PKD2L2: variants seen among roughly 807,000 people sequenced by gnomAD.
The protein encoded by PKD2L2 is polycystin 2 like 2, transient receptor potential cation channel.
A neutral mutation model predicts 83.9 loss-of-function variants in PKD2L2; 67 were observed. The observed-to-expected ratio is 0.80, with a 90% CI of 0.66 to 0.98. The LOEUF (loss-of-function observed/expected upper bound fraction) is 0.98, where lower values mean the gene tolerates loss of function less well. Among genes scored for constraint, PKD2L2 ranks in the 50% least tolerant of loss-of-function variants. The pLI, the probability that PKD2L2 is intolerant of heterozygous loss-of-function variation, is 0.00. For missense variants in PKD2L2, 632 were observed against 717.2 expected (o/e 0.88, Z 1.36); for synonymous variants, 223 against 237.8 (o/e 0.94, Z 0.57).
At chr5:137,898,812 G>T (rs1756712287) in intron 4 of PKD2L2, among the ~76,000 whole-genome samples, 1 of 151,894 alleles carries the variant, frequency 6.6e-6, no homozygotes, top group South Asian at 2.1e-4. Context: ...GCTCAGTGCG[G>T]CCTTGAACTC....
In PKD2L2 at chr5:137,890,510, A is replaced by T. The variant is rs1376934096; in HGVS notation, c.61A>T (p.Lys21Ter). The change falls in exon 2 of 15, where the codon AAG (lysine) becomes TAG (stop). Residue 21 changes from lysine to a stop codon, truncating the protein, a stop_gained. Coordinates refer to ENST00000508883, the MANE Select transcript of PKD2L2 (RefSeq NM_001300921.2). LOFTEE classifies it high-confidence loss of function. The stretch of plus-strand genomic sequence containing the variant: ...TTCGAAACATAAGTTGCATTACAGA[A>T]AGGAAGTAGAAATTACAACCACACT... ...GASKHKLHYR[K>*]EVEITTTLQE... The T allele has an allele frequency of 6.3e-7, 1 of 1,589,476 alleles. No homozygotes were observed. Among genetic ancestry groups the T allele is most frequent in the Non-Finnish European group, 8.6e-7 (1 of 1,168,340 alleles).
At chr5:137,893,330 C>G (rs571321572) in intron 3 of PKD2L2, among the ~76,000 whole-genome samples, 1 of 152,020 alleles carries the variant, frequency 6.6e-6, no homozygotes, top group Non-Finnish European at 1.5e-5. Context: ...TTTTTACTTA[C>G]GTAAGGGAAT....
chr5:137,941,465 A>G (rs977911982), intron 14 of PKD2L2, among the ~76,000 whole-genome samples: 1 of 152,158 alleles, frequency 6.6e-6, no homozygotes, highest in Non-Finnish European at 1.5e-5. Flanking sequence ...TAGTTAGATA[A>G]AGGCATGTGC....
chr5:137,912,703 AT>A (rs1757938493), intron 8 of PKD2L2, among the ~76,000 whole-genome samples: 3 of 147,198 alleles, frequency 2.0e-5, no homozygotes, highest in Admixed American at 1.4e-4. Context: ...GATGTTGACC[AT>A]TTTTTCATAT....
intron 12 of PKD2L2, among the ~76,000 whole-genome samples, chr5:137,928,348 GA>G (rs1336964868): frequency 2.2e-4 from 28 of 130,122 alleles, no homozygotes; most frequent in Non-Finnish European, 3.3e-4. Context: ...GACCAGCCTG[GA>G]CAACATGGTG....
chr5:137,907,768 C>G lies in PKD2L2; in HGVS notation c.1002C>G (p.Asn334Lys), dbSNP rs770951275. 1 of 1,546,898 alleles carries G rather than the reference C, an allele frequency of 6.5e-7. No homozygotes were observed. The highest frequency in any genetic ancestry group is 1.4e-5 in the African/African-American group (1 of 72,882). ...TGTGTTTTGTGGCTGTTTCCTTCAA[C>G]ACATACTATAATGTACAAATTTTTC... ...LLLCFVAVSF[N>K]TYYNVQIFLL... Residue 334 changes from asparagine (N) to lysine (K), a missense_variant, in exon 7 of 15, where the codon AAC becomes AAG. By Grantham distance (94) the Asn-to-Lys change is moderately conservative. Coordinates refer to ENST00000508883, the MANE Select transcript of PKD2L2 (RefSeq NM_001300921.2).
chr5:137,938,148 A>G (rs897478565), intron 14 of PKD2L2: 1 of 152,468 alleles, frequency 6.6e-6, no homozygotes, highest in Non-Finnish European at 1.5e-5. Context: ...TATGACACAC[A>G]ATACTGTCAC....
At chr5:137,916,791 T>TC (rs1162588470) in intron 8 of PKD2L2, among the ~76,000 whole-genome samples, 15 of 152,250 alleles carry the variant, frequency 9.9e-5, no homozygotes, top group African/African-American at 3.6e-4. Flanking sequence ...CCTTTTTTTT[T>TC]CTTTTAGCAC....
chr5:137,890,873 A>G (rs1460385605), intron 2 of PKD2L2, among the ~76,000 whole-genome samples: 1 of 152,224 alleles, frequency 6.6e-6, no homozygotes, highest in East Asian at 1.9e-4. Flanking sequence ...TGTCTTGAGC[A>G]TAATTCATCC....
chr5:137,938,068 A>T (rs1382980859), intron 14 of PKD2L2: 1 of 152,200 alleles, frequency 6.6e-6, no homozygotes, highest in Non-Finnish European at 1.5e-5. Flanking sequence ...TTGTATATAG[A>T]TATACAGTTT....
At chr5:137,942,129 A>G in intron 14 of PKD2L2, 2 of 1,176,624 alleles carry the variant, frequency 1.7e-6, no homozygotes, top group Non-Finnish European at 2.4e-6. Context: ...CTGCAAATTA[A>G]AAGTGGCTGG....
intron 9 of PKD2L2, among the ~76,000 whole-genome samples, chr5:137,923,035 G>A (rs1235538924): frequency 6.8e-6 from 1 of 146,452 alleles, no homozygotes; most frequent in East Asian, 2.0e-4. Context: ...TTTTTTAGAC[G>A]GAGTCTTGCT....
chr5:137,890,343 A>C, intron 1 of PKD2L2, 138 bp from the exon 2 acceptor site: 1 of 591,290 alleles, frequency 1.7e-6, no homozygotes, highest in East Asian at 3.2e-5. Context: ...CGTAAAACTA[A>C]GAATTGAAAA....
Position 137,908,814 on chromosome 5 carries a change from C to T in PKD2L2, c.1196C>T (p.Thr399Ile). 1.9e-6 allele frequency: 3 copies of T among 1,597,682 alleles called. No individual in the cohort carries two copies. Among genetic ancestry groups the T allele is most frequent in the Non-Finnish European group, 2.6e-6 (3 of 1,167,624 alleles). Residue 399 changes from threonine to isoleucine, a missense_variant, in exon 8 of 15, where the codon ACC (threonine) becomes ATC (isoleucine). Coordinates refer to ENST00000508883, the MANE Select transcript of PKD2L2 (RefSeq NM_001300921.2). ...AAGACAATGTCTCAGCTGTCATCAA[C>T]CTTGTCCCGTTGTGTTAAAGACATA... ...FNKTMSQLSSTLSRCVKDIVG... is the reference protein window; with the variant it reads ...FNKTMSQLSSILSRCVKDIVG...
intron 8 of PKD2L2, among the ~76,000 whole-genome samples, chr5:137,918,634 G>A (rs1758594876): frequency 6.6e-6 from 1 of 152,168 alleles, no homozygotes; most frequent in Admixed American, 6.5e-5. Flanking sequence ...AATGAGTAGG[G>A]GATGCATAGC....
chr5:137,941,143 C>T (rs1159562315), intron 14 of PKD2L2, among the ~76,000 whole-genome samples: 3 of 152,022 alleles, frequency 2.0e-5, no homozygotes, highest in African/African-American at 7.2e-5. Flanking sequence ...CTCCTGACCT[C>T]GTGATCCACC....
chr5:137,935,087 T>A (rs990518725), intron 12 of PKD2L2, among the ~76,000 whole-genome samples: 1 of 152,240 alleles, frequency 6.6e-6, no homozygotes, highest in African/African-American at 2.4e-5. Context: ...GGAAGTATCA[T>A]ACAAATTTAC....
intron 6 of PKD2L2, 145 bp downstream of exon 6, chr5:137,906,579 A>T (rs945613372): frequency 1.8e-6 from 1 of 543,762 alleles, no homozygotes; most frequent in Middle Eastern, 4.8e-4. Context: ...TGGGAATAGT[A>T]CTACTAATGG....
chr5:137,941,933 G>A (rs746587608), intron 14 of PKD2L2: 1 of 1,604,872 alleles, frequency 6.2e-7, no homozygotes, highest in Admixed American at 1.7e-5. Context: ...ATTTTGTGAT[G>A]CTCAACAAAC....
Sources: allele counts gnomAD v4.1 joint callset (sites outside exome capture counted in the v4.1 genomes callset), GRCh38; gene constraint gnomAD v4.1.1; transcripts MANE v1.5; gene names NCBI Gene and HGNC (gene_info 2026-07-23, HGNC 2026-07-21).